The following HAO1 variants were observed in gnomAD, a reference collection of about 807,000 sequenced individuals.
The protein encoded by HAO1 is 2-Hydroxyacid oxidase 1.
Under a neutral mutation model 39.7 loss-of-function variants are expected in HAO1, and 34 were observed. That is an observed-to-expected ratio of 0.86 (90% CI 0.65 to 1.14). The LOEUF (loss-of-function observed/expected upper bound fraction) is 1.14, where lower values mean the gene tolerates loss of function less well. HAO1 is among the 50% of genes most tolerant of loss of function. The pLI is 0.00. For synonymous variants in HAO1, 172 were observed against 173.2 expected (o/e 0.99, Z 0.05); for missense variants, 479 against 464.5 (o/e 1.03, Z -0.29).
At chr20:7,931,018 A>G (rs2050383316) in intron 2 of HAO1, among the ~76,000 whole-genome samples, 1 of 152,196 alleles carries the variant, frequency 6.6e-6, no homozygotes, top group African/African-American at 2.4e-5. Context: ...ATACACCTAA[A>G]TATTAAATAG....
chr20:7,929,831 TC>T (rs1334108994), intron 2 of HAO1, among the ~76,000 whole-genome samples: 1 of 152,058 alleles, frequency 6.6e-6, no homozygotes, highest in East Asian at 1.9e-4. Flanking sequence ...GCCACTGCAC[TC>T]CAGTCTGGTG....
At chr20:7,931,131 C>A (rs1016361323) in intron 2 of HAO1, among the ~76,000 whole-genome samples, 1 of 152,070 alleles carries the variant, frequency 6.6e-6, no homozygotes, top group Non-Finnish European at 1.5e-5. Context: ...ATGTTGCTGC[C>A]CTGATAGGAA....
intron 3 of HAO1, among the ~76,000 whole-genome samples, chr20:7,909,555 A>G (rs1272036848): frequency 6.6e-6 from 1 of 150,950 alleles, no homozygotes; most frequent in East Asian, 1.9e-4. Flanking sequence ...TCTTCTTTGT[A>G]AGGTACTCAT....
chr20:7,937,708 A>G lies in HAO1; in HGVS notation c.137+2578T>C, dbSNP rs544459297. Among the ~76,000 whole-genome samples, 68 of 152,350 alleles carry G rather than the reference A, an allele frequency of 4.5e-4. 1 individual carries two copies. Among genetic ancestry groups the G allele is most frequent in the African/African-American group, 1.6e-3 (65 of 41,582 alleles). On this transcript the variant is annotated intron_variant, in intron 1 of 7. Coordinates refer to ENST00000378789, the MANE Select transcript of HAO1 (RefSeq NM_017545.3). ...ACCATAGTTGAGAAGGCTACTTTGA[A>G]TAAATGTGTAAGAGAAACAAATTAC...
At chr20:7,887,031 A>G (rs1342539817) in intron 5 of HAO1, among the ~76,000 whole-genome samples, 1 of 152,184 alleles carries the variant, frequency 6.6e-6, no homozygotes, top group Non-Finnish European at 1.5e-5. Flanking sequence ...CCAAGCCTAG[A>G]TCAGTAGACA....
At chr20:7,897,625 C>A (rs1488139242) in intron 4 of HAO1, among the ~76,000 whole-genome samples, 2 of 152,094 alleles carry the variant, frequency 1.3e-5, no homozygotes, top group East Asian at 3.9e-4. Context: ...TTTTTCTAAT[C>A]ATTGGGAACT....
chr20:7,891,000 A>G (rs2050171802), intron 5 of HAO1, among the ~76,000 whole-genome samples: 1 of 152,150 alleles, frequency 6.6e-6, no homozygotes, highest in Non-Finnish European at 1.5e-5. Flanking sequence ...CTGTGCTTCT[A>G]TAAATATGTG....
At chr20:7,922,518 T>C (rs2050338289) in intron 2 of HAO1, among the ~76,000 whole-genome samples, 1 of 152,152 alleles carries the variant, frequency 6.6e-6, no homozygotes, top group Non-Finnish European at 1.5e-5. Context: ...GAGTGGAATC[T>C]TCTCCAATTC....
chr20:7,916,935 G>A (rs947277741), intron 2 of HAO1, among the ~76,000 whole-genome samples: 20 of 152,298 alleles, frequency 1.3e-4, no homozygotes, highest in African/African-American at 4.8e-4. Context: ...TTTTCATTAA[G>A]ATTTGGAAAT....
At chr20:7,886,066 TG>T (rs2050149890) in intron 5 of HAO1, among the ~76,000 whole-genome samples, 1 of 152,196 alleles carries the variant, frequency 6.6e-6, no homozygotes, top group Admixed American at 6.5e-5. Context: ...AATTTGGAAA[TG>T]AGCAGCTTAT....
chr20:7,898,489 G>A (rs2050207135), intron 4 of HAO1, among the ~76,000 whole-genome samples: 1 of 152,108 alleles, frequency 6.6e-6, no homozygotes, highest in African/African-American at 2.4e-5. Context: ...ACTTTAACAA[G>A]AGAATTCATA....
chr20:7,904,472 T>C (rs1292663923), intron 4 of HAO1, among the ~76,000 whole-genome samples: 1 of 152,242 alleles, frequency 6.6e-6, no homozygotes, highest in Non-Finnish European at 1.5e-5. Flanking sequence ...TTATGCATAA[T>C]TGCTTTATTC....
intron 3 of HAO1, among the ~76,000 whole-genome samples, 167 bp from the exon 4 acceptor site, chr20:7,906,496 A>G (rs1420798655): frequency 2.6e-5 from 4 of 152,222 alleles, no homozygotes. Flanking sequence ...GTAGGACTCT[A>G]GACTAAATGT....
In HAO1 at chr20:7,906,270, T is replaced by A. The variant is rs1018778353; in HGVS notation, c.605A>T (p.Asp202Val). 2 of 1,612,462 alleles carry A rather than the reference T, an allele frequency of 1.2e-6. No homozygotes were observed. Among genetic ancestry groups the A allele is most frequent in the Non-Finnish European group, 1.7e-6 (2 of 1,178,672 alleles). ...SFSPEENFGD[D>V]SGLAAYVAKA... ...AGCCACATATGCAGCAAGTCCACTG[T>A]CGTCTCCAAAATTTTCCTCAGGAGA... Residue 202 changes from aspartate (D) to valine (V), a missense_variant, in exon 4 of 8, where the codon GAC becomes GTC. Coordinates refer to ENST00000378789, the MANE Select transcript of HAO1 (RefSeq NM_017545.3).
chr20:7,892,274 C>T (rs188092539), intron 5 of HAO1, among the ~76,000 whole-genome samples: 7 of 152,094 alleles, frequency 4.6e-5, no homozygotes, highest in Non-Finnish European at 5.9e-5. Flanking sequence ...TTAGTAGAGA[C>T]GGGGTTTCAC....
rs563469511 is a variant in HAO1, at chr20:7,896,214, T to A, written c.722-990A>T. ...TAAAAACATATTTTATATTCTAAAC[T>A]ATTATTTTTAGCATGTCCTAATAAC... On this transcript the variant is annotated intron_variant, in intron 4 of 7. Transcript: ENST00000378789. Among the ~76,000 whole-genome samples, 4 of 152,336 alleles carry A rather than the reference T, an allele frequency of 2.6e-5. No homozygotes were observed. The South Asian group carries it at 8.3e-4, about 32-fold the overall frequency.
intron 4 of HAO1, among the ~76,000 whole-genome samples, chr20:7,895,604 A>G (rs1388872515): frequency 6.6e-6 from 1 of 152,026 alleles, no homozygotes; most frequent in Non-Finnish European, 1.5e-5. Context: ...CAAAAAAAAA[A>G]AAAACATAAA....
chr20:7,886,773 T>C (rs1014977037), intron 5 of HAO1, among the ~76,000 whole-genome samples: 2 of 152,244 alleles, frequency 1.3e-5, no homozygotes, highest in African/African-American at 4.8e-5. Context: ...GCCTGCACCT[T>C]AGCCTTGGAA....
intron 2 of HAO1, among the ~76,000 whole-genome samples, chr20:7,918,388 C>T (rs914054129): frequency 6.6e-6 from 1 of 152,160 alleles, no homozygotes; most frequent in African/African-American, 2.4e-5. Flanking sequence ...TTCTTAAGGA[C>T]AGATCTGAGA....
Sources: gnomAD v4.1 joint callset for allele counts (sites outside exome capture counted in the v4.1 genomes callset) on GRCh38, gnomAD v4.1.1 for gene constraint, MANE v1.5 for transcripts, NCBI Gene and HGNC (gene_info 2026-07-23, HGNC 2026-07-21) for gene names.